KIF13A: variants seen among roughly 807,000 people sequenced by gnomAD.
KIF13A encodes kinesin family member 13A.
A neutral mutation model predicts 212.2 loss-of-function variants in KIF13A; 79 were observed. The observed-to-expected ratio is 0.37, with a 90% confidence interval of 0.31 to 0.45. KIF13A has a LOEUF of 0.45. KIF13A is among the 20% of genes least tolerant of loss of function. KIF13A has a pLI of 1.00. For synonymous variants in KIF13A, 789 were observed against 808.6 expected (o/e 0.98, Z 0.41); for missense variants, 1,901 against 2,209.0 (o/e 0.86, Z 2.79).
Position 17,785,605 on chromosome 6 carries a change from A to G in KIF13A, c.3398T>C (p.Leu1133Pro). The change falls in exon 28 of 39, where the codon CTT becomes CCT. Residue 1133 changes from leucine to proline, a missense_variant. By Grantham distance (98) the Leu-to-Pro change is moderately conservative (BLOSUM62 -3). Coordinates refer to ENST00000259711, the MANE Select transcript of KIF13A (RefSeq NM_022113.6). This position sits in a 1 kb window ranked among gnomAD's most constrained non-coding sequence, Gnocchi z 5.8. ...AGTCAGCCCTACCCACTGCTCCACA[A>G]GCTGGGCTTCCCGCTCCACATCGTC... ...TEDDVEREAQLVEQWVGLTEE... is the reference protein window; with the variant it reads ...TEDDVEREAQPVEQWVGLTEE... 1 of 1,606,576 alleles carries G rather than the reference A, an allele frequency of 6.2e-7. No individual in the cohort carries two copies. The highest frequency in any genetic ancestry group is 8.5e-7 in the Non-Finnish European group (1 of 1,176,752).
rs371525494 is a variant in KIF13A, at chr6:17,833,781, G to A, written c.1266+180C>T. Among the ~76,000 whole-genome samples, 11 of 150,842 alleles carry A rather than the reference G, an allele frequency of 7.3e-5. No individual in the cohort carries two copies. In the East Asian group the frequency reaches 1.6e-3, roughly 22 times the overall value. ...TACGGCATGCGAACTGCTTGAGCCC[G>A]GGAGGTGGAGGTTGCAGTGAGTCGA... On this transcript the variant is annotated intron_variant, in intron 12 of 38. Transcript: ENST00000259711.
chr6:17,955,085 C>T (rs546703732), intron 2 of KIF13A, among the ~76,000 whole-genome samples: 2 of 152,176 alleles, frequency 1.3e-5, no homozygotes. Context: ...CTGCCGCCAC[C>T]TCCCAAAGTG....
At chr6:17,978,512 T>C (rs1161633542) in intron 2 of KIF13A, among the ~76,000 whole-genome samples, 1 of 152,226 alleles carries the variant, frequency 6.6e-6, no homozygotes, top group Non-Finnish European at 1.5e-5. Flanking sequence ...CTGAATTTCT[T>C]ATATGCCAAG....
chr6:17,813,614 G>A (rs967584637), intron 17 of KIF13A, among the ~76,000 whole-genome samples: 14 of 152,310 alleles, frequency 9.2e-5, no homozygotes, highest in Non-Finnish European at 1.8e-4. Context: ...TAACAAGTGC[G>A]TGACTGTTGC....
chr6:17,975,484 G>C (rs903382793), intron 2 of KIF13A, among the ~76,000 whole-genome samples: 1 of 152,126 alleles, frequency 6.6e-6, no homozygotes, highest in Non-Finnish European at 1.5e-5. Context: ...GAGCGTTACA[G>C]CTTATAAAGA....
At chr6:17,833,404 G>T (rs969856679) in intron 12 of KIF13A, among the ~76,000 whole-genome samples, 1 of 151,408 alleles carries the variant, frequency 6.6e-6, no homozygotes, top group South Asian at 2.1e-4. Flanking sequence ...ACTGAGGGAG[G>T]AGAATCACTT....
In KIF13A at chr6:17,850,920, G is replaced by A. The variant is rs114438745; in HGVS notation, c.583-463C>T. On this transcript the variant is annotated intron_variant, in intron 7 of 38. Coordinates refer to ENST00000259711, the MANE Select transcript of KIF13A (RefSeq NM_022113.6). This position sits in a 1 kb window ranked among gnomAD's most constrained non-coding sequence, Gnocchi z 6.2. ...GCTCCTAGAATGCCTAGAGCCTATG[G>A]GATCTTATGAAATATTTGCTAAATG... Among the ~76,000 whole-genome samples, 149 of 152,176 alleles carry A rather than the reference G, an allele frequency of 9.8e-4. 1 individual carries two copies. The highest frequency in any genetic ancestry group is 3.4e-3 in the Middle Eastern group (1 of 294).
chr6:17,808,666 TC>T, intron 18 of KIF13A, 101 bp downstream of exon 18: 1 of 1,057,054 alleles, frequency 9.5e-7, no homozygotes, highest in Non-Finnish European at 1.3e-6. Flanking sequence ...CTGGCTGATA[TC>T]AGGATCTCCT....
intron 4 of KIF13A, among the ~76,000 whole-genome samples, chr6:17,864,344 A>G (rs1202430794): frequency 6.6e-6 from 1 of 152,212 alleles, no homozygotes; most frequent in Non-Finnish European, 1.5e-5. Flanking sequence ...ACCTTCTATA[A>G]TCATGTGAAC....
At chr6:17,964,792 G>A (rs1054030585) in intron 2 of KIF13A, among the ~76,000 whole-genome samples, 8 of 151,882 alleles carry the variant, frequency 5.3e-5, no homozygotes, top group Admixed American at 3.9e-4. Flanking sequence ...CCAGGTCAAT[G>A]TTTTTAGAAT....
At position 17,764,816 on chromosome 6, in the gene KIF13A, GA is replaced by G; in HGVS notation, c.4711del (p.Ser1571ProfsTer4). 1 of 1,613,538 alleles carries G rather than the reference GA, an allele frequency of 6.2e-7. No individual in the cohort carries two copies. The highest frequency in any genetic ancestry group is 8.5e-7 in the Non-Finnish European group (1 of 1,179,716). On this transcript the variant is annotated frameshift_variant, in exon 39 of 39. Transcript: ENST00000259711. LOFTEE classifies it low-confidence loss of function (END_TRUNC). The surrounding 1 kb of genome is among the most constrained non-coding windows in gnomAD (Gnocchi z 5.1). Reference protein sequence around the residue: ...NASLENREWFSSKVDLSNSRV... With the variant: ...NASLENREWFXSKVDLSNSRV... ...TGAGTTTGACAGATCTACTTTAGAG[GA>G]AAACCATTCCCTGTTCTCCAAGCTG...
intron 2 of KIF13A, among the ~76,000 whole-genome samples, chr6:17,952,935 A>G (rs1778005230): frequency 6.6e-6 from 1 of 152,124 alleles, no homozygotes; most frequent in Admixed American, 6.5e-5. Context: ...CTCCAAAAAA[A>G]AAAAAAGAGA....
intron 2 of KIF13A, among the ~76,000 whole-genome samples, chr6:17,931,322 T>C (rs935008433): frequency 6.6e-5 from 10 of 152,170 alleles, no homozygotes; most frequent in African/African-American, 2.4e-4. Flanking sequence ...CAAACACAAT[T>C]TGCACTCATG....
chr6:17,896,142 C>T lies in KIF13A; in HGVS notation c.159+2026G>A, dbSNP rs73373117. On this transcript the variant is annotated intron_variant, in intron 3 of 38. Transcript: ENST00000259711. ...CTGTATACATGGGTTTTATGTCCCCCGAATACTGTATTTTCTAACTGCGTT... is the reference window on the plus strand; with the variant it reads ...CTGTATACATGGGTTTTATGTCCCCTGAATACTGTATTTTCTAACTGCGTT... Among the ~76,000 whole-genome samples the T allele has an allele frequency of 5.8e-3, 887 of 152,052 alleles. 6 individuals carry two copies. Among genetic ancestry groups the T allele is most frequent in the African/African-American group, 0.02 (834 of 41,466 alleles).
At position 17,897,050 on chromosome 6, in the gene KIF13A, A is replaced by G. The variant is rs1193235839; in HGVS notation, c.159+1118T>C. 6.6e-6 allele frequency among the ~76,000 whole-genome samples: 1 copy of G among 152,166 alleles called. No individual in the cohort carries two copies. The highest frequency in any genetic ancestry group is 1.5e-5 in the Non-Finnish European group (1 of 68,044). On this transcript the variant is annotated intron_variant, in intron 3 of 38. Transcript: ENST00000259711. This position sits in a 1 kb window ranked among gnomAD's most constrained non-coding sequence, Gnocchi z 4.8. Reference sequence around the variant, plus strand: ...ATGCCACTGCCAATACTTTTCTAATATATTATATATTTCCTCTTTCTTAAC... The same window carrying G: ...ATGCCACTGCCAATACTTTTCTAATGTATTATATATTTCCTCTTTCTTAAC...
intron 17 of KIF13A, among the ~76,000 whole-genome samples, chr6:17,813,937 G>A (rs1469898357): frequency 6.9e-6 from 1 of 145,052 alleles, no homozygotes. Flanking sequence ...GTCTATAGAT[G>A]TAAGGTGCTG....
rs41267726 is a variant in KIF13A at position 17,855,942 on chromosome 6, C to T, written c.313+88G>A. 1.4e-5 allele frequency: 13 copies of T among 905,904 alleles called. No individual in the cohort carries two copies. The highest frequency in any genetic ancestry group is 2.3e-5 in the Non-Finnish European group (13 of 570,338). The allele number at this position is 905,904 out of a possible 1,614,324, so 56.1% of individuals were successfully genotyped here. A position where few individuals can be genotyped will look rare whatever the true frequency, so the allele number is the denominator to read the frequency against. ...CCCAGGCTGGTCTCAAACTCCTGGG[C>T]TCAGGAGATCCTCCCACCCCAGCCT... On this transcript the variant is annotated intron_variant, in intron 5 of 38. Coordinates refer to ENST00000259711, the MANE Select transcript of KIF13A (RefSeq NM_022113.6). The surrounding 1 kb of genome is among the most constrained non-coding windows in gnomAD (Gnocchi z 4.1).
At chr6:17,778,121 G>A (rs560339997) in intron 33 of KIF13A, among the ~76,000 whole-genome samples, 313 of 152,150 alleles carry the variant, frequency 2.1e-3, no homozygotes, top group Admixed American at 5.4e-3. Flanking sequence ...CTGAGCGACA[G>A]AGCAAGACTC....
chr6:17,881,443 TAAA>T (rs34985576), intron 3 of KIF13A: 500 of 387,872 alleles, frequency 1.3e-3, no homozygotes, highest in East Asian at 2.2e-3. Flanking sequence ...AATTTACAGT[TAAA>T]AAAAAAAAAA....
Sources: gnomAD v4.1 joint callset for allele counts (sites outside exome capture counted in the v4.1 genomes callset) on GRCh38, gnomAD v4.1.1 for gene constraint, Gnocchi (gnomAD v3.1) non-coding constraint, MANE v1.5 for transcripts, NCBI Gene and HGNC (gene_info 2026-07-23, HGNC 2026-07-21) for gene names.